PCDH9: variants seen among roughly 807,000 people sequenced by gnomAD.
PCDH9 encodes the protein protocadherin-9.
In PCDH9, 24 loss-of-function variants were observed where a neutral mutation model predicts 70.6. The observed-to-expected ratio is 0.34, with a 90% CI of 0.25 to 0.48. The LOEUF (loss-of-function observed/expected upper bound fraction) is 0.48, where lower values mean the gene tolerates loss of function less well. PCDH9 is among the 20% of genes least tolerant of loss of function. PCDH9 has a pLI of 0.99. For missense variants in PCDH9, 1,281 were observed against 1,503.6 expected (o/e 0.85, Z 2.45); for synonymous variants, 562 against 558.5 (o/e 1.01, Z -0.09).
Position 66,411,906 on chromosome 13 carries a change from A to G in PCDH9, c.3341-106878T>C, listed in dbSNP as rs562059847. Among the ~76,000 whole-genome samples the G allele has an allele frequency of 2.6e-5, 4 of 152,306 alleles. No homozygotes were observed. In the East Asian group the frequency reaches 7.7e-4, roughly 29 times the overall value. On this transcript the variant is annotated intron_variant, in intron 4 of 4. Transcript: ENST00000377865. ...CACTAGAATGGGGGGCTGCTCCCAT[A>G]GAAATGGAGATAGCATTCTGCAAAC...
At chr13:67,121,647 C>T (rs2086879816) in intron 2 of PCDH9, among the ~76,000 whole-genome samples, 1 of 152,094 alleles carries the variant, frequency 6.6e-6, no homozygotes, top group Non-Finnish European at 1.5e-5. Flanking sequence ...AGAAATAGTA[C>T]TTGTATAAAA....
chr13:67,161,470 C>T (rs1441117012), intron 2 of PCDH9, among the ~76,000 whole-genome samples: 5 of 152,180 alleles, frequency 3.3e-5, no homozygotes, highest in Non-Finnish European at 7.3e-5. Context: ...TTTCAGCCTC[C>T]TCTGAATAGC....
At chr13:66,740,167 G>T (rs1314641899) in intron 3 of PCDH9, among the ~76,000 whole-genome samples, 1 of 129,530 alleles carries the variant, frequency 7.7e-6, no homozygotes, top group Admixed American at 8.3e-5. Flanking sequence ...AATCAAACTA[G>T]AACTCAGGAT....
chr13:66,445,030 G>T (rs2138411691), intron 4 of PCDH9, among the ~76,000 whole-genome samples: 1 of 146,958 alleles, frequency 6.8e-6, no homozygotes, highest in African/African-American at 2.5e-5. Context: ...GATGATTGTG[G>T]TGATCTTTTC....
rs189367724 is a variant in PCDH9 at position 67,228,547 on chromosome 13, A to G, written c.-107T>C. The G allele has an allele frequency of 8.6e-6, 7 of 817,456 alleles. No homozygotes were observed. The highest frequency in any genetic ancestry group is 9.4e-6 in the Non-Finnish European group (5 of 534,232). The allele number at this position is 817,456 out of a possible 1,614,324, so 50.6% of individuals were successfully genotyped here. A position where few individuals can be genotyped will look rare whatever the true frequency, so the allele number is the denominator to read the frequency against. On this transcript the variant is annotated 5_prime_UTR_variant, in exon 2 of 5. Transcript: ENST00000377865. ...GCGTGCATGGACTGGAGGATGCATT[A>G]TATCTCATCACTTATTTGGAGACAG...
At chr13:66,853,371 T>G (rs1368032222) in intron 3 of PCDH9, among the ~76,000 whole-genome samples, 1 of 152,112 alleles carries the variant, frequency 6.6e-6, no homozygotes, top group Non-Finnish European at 1.5e-5. Flanking sequence ...TGTTTCCTTC[T>G]TTTCACACTC....
At chr13:66,777,535 C>A (rs1310647662) in intron 3 of PCDH9, among the ~76,000 whole-genome samples, 1 of 152,162 alleles carries the variant, frequency 6.6e-6, no homozygotes, top group African/African-American at 2.4e-5. Context: ...AAAAAATGCT[C>A]ACCATCACTG....
intron 4 of PCDH9, among the ~76,000 whole-genome samples, chr13:66,536,894 G>A (rs1960728441): frequency 6.6e-6 from 1 of 152,128 alleles, no homozygotes. Context: ...AAAAGTTGCA[G>A]AATTGCATTC....
chr13:66,688,471 G>A lies in PCDH9; in HGVS notation c.3139-57060C>T, dbSNP rs1261895540. On this transcript the variant is annotated intron_variant, in intron 3 of 4. Coordinates refer to ENST00000377865, the MANE Select transcript of PCDH9 (RefSeq NM_203487.3). ...AATTTTTAAAGAAAACTTAATTAAGGAGAGATATGCACAAAGTGTTAATAT... is the reference window on the plus strand; with the variant it reads ...AATTTTTAAAGAAAACTTAATTAAGAAGAGATATGCACAAAGTGTTAATAT... 2.6e-5 allele frequency among the ~76,000 whole-genome samples: 4 copies of A among 152,086 alleles called. No individual in the cohort carries two copies. The East Asian group carries it at 7.7e-4, about 29-fold the overall frequency.
At chr13:66,542,780 T>C (rs1025989058) in intron 4 of PCDH9, among the ~76,000 whole-genome samples, 3 of 147,432 alleles carry the variant, frequency 2.0e-5, no homozygotes, top group Non-Finnish European at 4.5e-5. Context: ...TAAACATATA[T>C]ATATTTAAAT....
intron 2 of PCDH9, among the ~76,000 whole-genome samples, chr13:66,915,756 AG>A (rs1160917482): frequency 1.3e-5 from 2 of 151,734 alleles, no homozygotes; most frequent in Admixed American, 1.3e-4. Flanking sequence ...GAAAAGAAAC[AG>A]GAAATCAGTG....
At chr13:67,157,801 G>T (rs1171814271) in intron 2 of PCDH9, among the ~76,000 whole-genome samples, 1 of 152,188 alleles carries the variant, frequency 6.6e-6, no homozygotes, top group African/African-American at 2.4e-5. Context: ...AGTCTAGCAC[G>T]CAGATAGATT....
chr13:66,856,969 C>A (rs2081405323), intron 3 of PCDH9, among the ~76,000 whole-genome samples: 1 of 152,024 alleles, frequency 6.6e-6, no homozygotes, highest in African/African-American at 2.4e-5. Context: ...TCTTTCTCTT[C>A]AAAAACCACA....
intron 4 of PCDH9, among the ~76,000 whole-genome samples, chr13:66,523,659 G>C (rs557635952): frequency 3.0e-4 from 46 of 151,946 alleles, no homozygotes; most frequent in Non-Finnish European, 5.7e-4. Flanking sequence ...GTAGGAGTTG[G>C]CAGGGGGAGG....
chr13:66,522,024 T>C (rs1032363598), intron 4 of PCDH9, among the ~76,000 whole-genome samples: 1 of 84,090 alleles, frequency 1.2e-5, no homozygotes, highest in Non-Finnish European at 3.0e-5. Context: ...AAAGTATGTG[T>C]GTGTATATAT....
intron 4 of PCDH9, among the ~76,000 whole-genome samples, chr13:66,531,124 A>G (rs946690311): frequency 2.0e-5 from 3 of 148,746 alleles, no homozygotes; most frequent in Non-Finnish European, 4.5e-5. Flanking sequence ...TTTTTGTTTT[A>G]AATATTTTTT....
intron 3 of PCDH9, among the ~76,000 whole-genome samples, chr13:66,758,066 T>C (rs73501315): frequency 0.023 from 3,499 of 152,154 alleles, 136 homozygotes; most frequent in African/African-American, 0.081. Context: ...CAAAATGTTG[T>C]TTATTATCTT....
At chr13:66,659,935 C>G (rs2077986503) in intron 3 of PCDH9, among the ~76,000 whole-genome samples, 1 of 152,180 alleles carries the variant, frequency 6.6e-6, no homozygotes, top group African/African-American at 2.4e-5. Context: ...CTTTGCATGA[C>G]ACTGAAATAA....
intron 2 of PCDH9, among the ~76,000 whole-genome samples, chr13:66,939,120 T>A (rs550037118): frequency 9.2e-5 from 14 of 152,222 alleles, no homozygotes; most frequent in African/African-American, 3.4e-4. Context: ...ATTTTAATGT[T>A]GAATCATTAA....
Sources: gnomAD v4.1 joint callset for allele counts (sites outside exome capture counted in the v4.1 genomes callset) on GRCh38, gnomAD v4.1.1 for gene constraint, MANE v1.5 for transcripts, NCBI Gene and HGNC (gene_info 2026-07-23, HGNC 2026-07-21) for gene names.